Variants in KCNH5 observed in about 807,000 individuals in gnomAD.
The protein encoded by KCNH5 is potassium voltage-gated channel subfamily H member 5, also known as voltage-gated delayed rectifier potassium channel KCNH5.
In KCNH5, 46 loss-of-function variants were observed where a neutral mutation model predicts 96.1. The observed-to-expected ratio is 0.48, with a 90% confidence interval of 0.38 to 0.61. The LOEUF is 0.61. Ranked by LOEUF, KCNH5 falls within the 20% of genes least tolerant of loss-of-function variation. The pLI is 0.00. For synonymous variants in KCNH5, 439 were observed against 449.8 expected (o/e 0.98, Z 0.30); for missense variants, 907 against 1,225.8 (o/e 0.74, Z 3.88).
chr14:62,868,487 C>T (rs1250802794), intron 7 of KCNH5, among the ~76,000 whole-genome samples: 1 of 152,152 alleles, frequency 6.6e-6, no homozygotes, highest in Non-Finnish European at 1.5e-5. Context: ...TTTGGATTTT[C>T]TTTATGGTCT....
chr14:62,940,926 G>A (rs76967093), intron 7 of KCNH5, among the ~76,000 whole-genome samples: 3,026 of 152,290 alleles, frequency 0.02, 59 homozygotes, highest in East Asian at 0.082. Context: ...CACAAGTCCA[G>A]CTTCTTTATT....
At chr14:62,945,209 G>A (rs190252735) in intron 7 of KCNH5, among the ~76,000 whole-genome samples, 2 of 152,270 alleles carry the variant, frequency 1.3e-5, no homozygotes, top group East Asian at 1.9e-4. Context: ...AGAACATTTT[G>A]TTGGAGCTTC....
At chr14:62,818,783 T>C (rs976311662) in intron 8 of KCNH5, among the ~76,000 whole-genome samples, 1 of 152,180 alleles carries the variant, frequency 6.6e-6, no homozygotes, top group East Asian at 1.9e-4. Flanking sequence ...ATCAGTCATA[T>C]AATGAACATA....
chr14:62,907,551 A>G (rs1369755321), intron 7 of KCNH5, among the ~76,000 whole-genome samples: 1 of 152,206 alleles, frequency 6.6e-6, no homozygotes, highest in East Asian at 1.9e-4. Flanking sequence ...CCTGAAATCC[A>G]GGGAGATCAG....
chr14:62,928,073 C>T (rs1025056048), intron 7 of KCNH5, among the ~76,000 whole-genome samples: 14 of 151,996 alleles, frequency 9.2e-5, no homozygotes, highest in African/African-American at 3.4e-4. Context: ...AGAAATAAGG[C>T]AAACCCAACT....
At chr14:62,879,278 A>G (rs1319350719) in intron 7 of KCNH5, among the ~76,000 whole-genome samples, 1 of 152,196 alleles carries the variant, frequency 6.6e-6, no homozygotes, top group Non-Finnish European at 1.5e-5. Context: ...GCAAATTGGT[A>G]CAATCACTTT....
chr14:62,728,457 G>A (rs1224436779), intron 10 of KCNH5, among the ~76,000 whole-genome samples: 1 of 151,812 alleles, frequency 6.6e-6, no homozygotes, highest in East Asian at 1.9e-4. Context: ...CTATGTTCTG[G>A]TATTGTTTTT....
intron 10 of KCNH5, among the ~76,000 whole-genome samples, chr14:62,740,670 T>C (rs531944743): frequency 6.6e-6 from 1 of 152,288 alleles, no homozygotes; most frequent in African/African-American, 2.4e-5. Context: ...CATTCATATA[T>C]TTTGATGAGC....
intron 1 of KCNH5, among the ~76,000 whole-genome samples, chr14:63,034,309 A>T (rs1420001365): frequency 6.6e-6 from 1 of 152,226 alleles, no homozygotes; most frequent in East Asian, 1.9e-4. Context: ...AATCTGAAGC[A>T]TATATAGCAA....
intron 6 of KCNH5, among the ~76,000 whole-genome samples, chr14:62,969,573 C>A (rs1025266185): frequency 8.6e-5 from 13 of 151,782 alleles, no homozygotes; most frequent in Non-Finnish European, 1.5e-4. Flanking sequence ...ATAACACACA[C>A]TGGGGCCTGA....
chr14:62,970,044 T>TAAA (rs373852520), intron 6 of KCNH5, among the ~76,000 whole-genome samples: 114 of 30,412 alleles, frequency 3.7e-3, no homozygotes, highest in African/African-American at 0.013. Flanking sequence ...AGACTCCGTC[T>TAAA]AAAAAAAAAA....
intron 7 of KCNH5, among the ~76,000 whole-genome samples, chr14:62,890,300 C>T (rs1888680011): frequency 6.6e-6 from 1 of 152,154 alleles, no homozygotes; most frequent in South Asian, 2.1e-4. Context: ...AGACAGCCTA[C>T]AGAATGGGAG....
intron 7 of KCNH5, among the ~76,000 whole-genome samples, chr14:62,941,529 C>G (rs1889790814): frequency 6.6e-6 from 1 of 151,968 alleles, no homozygotes; most frequent in African/African-American, 2.4e-5. Flanking sequence ...TCATGCGAAA[C>G]TCAGCTCATT....
chr14:62,902,147 T>A (rs1380247471), intron 7 of KCNH5, among the ~76,000 whole-genome samples: 1 of 152,192 alleles, frequency 6.6e-6, no homozygotes, highest in African/African-American at 2.4e-5. Context: ...AAATATTTTC[T>A]CCCATTATGT....
At chr14:62,772,112 A>AC (rs1276711576) in intron 10 of KCNH5, among the ~76,000 whole-genome samples, 2 of 152,098 alleles carry the variant, frequency 1.3e-5, no homozygotes, top group Non-Finnish European at 2.9e-5. Context: ...AACAACAACA[A>AC]AAAAAACACA....
At chr14:62,901,770 C>G (rs1888929645) in intron 7 of KCNH5, among the ~76,000 whole-genome samples, 1 of 152,186 alleles carries the variant, frequency 6.6e-6, no homozygotes, top group Non-Finnish European at 1.5e-5. Flanking sequence ...GGTCAAATGG[C>G]ACTTCTGTTT....
chr14:62,788,860 T>C (rs1293663126), intron 9 of KCNH5, among the ~76,000 whole-genome samples: 1 of 152,086 alleles, frequency 6.6e-6, no homozygotes, highest in Non-Finnish European at 1.5e-5. Flanking sequence ...ATAGACTAAG[T>C]ATAATGTGAA....
chr14:62,998,502 T>G lies in KCNH5; in HGVS notation c.433+2829A>C, dbSNP rs2139587951. Among the ~76,000 whole-genome samples, 3 of 152,300 alleles carry G rather than the reference T, an allele frequency of 2.0e-5. No individual in the cohort carries two copies. The South Asian group carries it at 6.2e-4, about 32-fold the overall frequency. On this transcript the variant is annotated intron_variant, in intron 4 of 10. Transcript: ENST00000322893. Reference sequence around the variant, plus strand: ...ATTCCTTGTCTTCAGTTTGCTTTGGTTTAAATTGTTTTTCTTTATCTAGTT... The same window carrying G: ...ATTCCTTGTCTTCAGTTTGCTTTGGGTTAAATTGTTTTTCTTTATCTAGTT...
intron 7 of KCNH5, 134 bp from the exon 8 acceptor site, chr14:62,849,986 G>A: frequency 1.5e-6 from 1 of 683,254 alleles, no homozygotes; most frequent in Non-Finnish European, 2.5e-6. Flanking sequence ...TGAACTCTGA[G>A]AAGACTGCCT....
Sources: allele counts gnomAD v4.1 joint callset (sites outside exome capture counted in the v4.1 genomes callset), GRCh38; gene constraint gnomAD v4.1.1; transcripts MANE v1.5; gene names NCBI Gene and HGNC (gene_info 2026-07-23, HGNC 2026-07-21).